Variants in FMN2 observed in about 807,000 individuals in gnomAD.
The protein encoded by FMN2 is formin-2.
Under a neutral mutation model 142.3 loss-of-function variants are expected in FMN2, and 51 were observed. The observed-to-expected ratio is 0.36, with a 90% confidence interval of 0.29 to 0.45. The LOEUF (loss-of-function observed/expected upper bound fraction) is 0.45, where lower values mean the gene tolerates loss of function less well. Among genes scored for constraint, FMN2 ranks in the 20% least tolerant of loss-of-function variants. The pLI, the probability that FMN2 is intolerant of heterozygous loss-of-function variation, is 1.00. For missense variants in FMN2, 1,936 were observed against 2,122.8 expected, an observed-to-expected ratio of 0.91 and a Z score of 1.73; for synonymous variants, 882 against 869.8, an observed-to-expected ratio of 1.01 and a Z score of -0.25.
chr1:240,363,739 T>C lies in FMN2; in HGVS notation c.4858+7831T>C, dbSNP rs189078115. Among the ~76,000 whole-genome samples the C allele has an allele frequency of 2.2e-4, 33 of 152,238 alleles. No individual in the cohort carries two copies. The East Asian group carries it at 5.8e-3, about 27-fold the overall frequency. On this transcript the variant is annotated intron_variant, in intron 14 of 17. Transcript: ENST00000319653. The stretch of plus-strand genomic sequence containing the variant: ...CACGTCCCCAACTCTGTTTCTCCCC[T>C]CCCTTTATACTAGGGGTTCAGAACT...
intron 16 of FMN2, among the ~76,000 whole-genome samples, chr1:240,461,178 G>A (rs570919679): frequency 6.6e-6 from 1 of 152,302 alleles, no homozygotes; most frequent in Admixed American, 6.5e-5. Flanking sequence ...AATGATGAAA[G>A]CGAACGCTCT....
intron 4 of FMN2, among the ~76,000 whole-genome samples, chr1:240,192,558 C>A (rs1017444895): frequency 2.6e-5 from 4 of 152,004 alleles, no homozygotes; most frequent in East Asian, 3.9e-4. Flanking sequence ...TAAAATAAGG[C>A]GGAGTAAGAA....
At chr1:240,283,531 C>T (rs1669485932) in intron 7 of FMN2, among the ~76,000 whole-genome samples, 2 of 152,164 alleles carry the variant, frequency 1.3e-5, no homozygotes, top group Admixed American at 1.3e-4. Context: ...GGAGGTTCAG[C>T]AATGACTTTT....
chr1:240,372,335 G>A (rs1672895579), intron 14 of FMN2, among the ~76,000 whole-genome samples: 1 of 152,192 alleles, frequency 6.6e-6, no homozygotes, highest in Non-Finnish European at 1.5e-5. Flanking sequence ...TAATGGAAGT[G>A]TGTTTTGAGG....
chr1:240,294,620 C>T (rs1042031860), intron 7 of FMN2, among the ~76,000 whole-genome samples: 7 of 152,136 alleles, frequency 4.6e-5, no homozygotes, highest in East Asian at 1.9e-4. Flanking sequence ...TTAGTATTTG[C>T]GGAGCAAGTG....
At chr1:240,183,667 G>C (rs1163956008) in intron 3 of FMN2, among the ~76,000 whole-genome samples, 1 of 151,868 alleles carries the variant, frequency 6.6e-6, no homozygotes, top group Non-Finnish European at 1.5e-5. Flanking sequence ...ATGAGAGGCA[G>C]AGCCTCAGTA....
At chr1:240,152,063 G>A (rs1663805565) in intron 2 of FMN2, among the ~76,000 whole-genome samples, 1 of 152,082 alleles carries the variant, frequency 6.6e-6, no homozygotes, top group African/African-American at 2.4e-5. Context: ...GAACCACCAT[G>A]CCCGGCCTCC....
chr1:240,381,736 C>T (rs1673233321), intron 14 of FMN2, among the ~76,000 whole-genome samples: 1 of 152,036 alleles, frequency 6.6e-6, no homozygotes. Flanking sequence ...GGCCAATCAT[C>T]TTAACAGCTG....
rs149629026 is a variant in FMN2 at position 240,361,758 on chromosome 1, T to C, written c.4858+5850T>C. Among the ~76,000 whole-genome samples, 26 of 152,242 alleles carry C rather than the reference T, an allele frequency of 1.7e-4. No homozygotes were observed. The East Asian group carries it at 3.9e-3, about 23-fold the overall frequency. On this transcript the variant is annotated intron_variant, in intron 14 of 17. Transcript: ENST00000319653. ...CTGAACTTGGCATAGAGATCTGAGA[T>C]TGAGGATTGGACATCATAAGCAAGG...
intron 8 of FMN2, among the ~76,000 whole-genome samples, chr1:240,319,357 A>G (rs1670892729): frequency 6.6e-6 from 1 of 152,194 alleles, no homozygotes. Flanking sequence ...GGCCAGCCCA[A>G]TATTTCTACA....
At chr1:240,346,143 T>G (rs1215011540) in intron 13 of FMN2, among the ~76,000 whole-genome samples, 1 of 152,132 alleles carries the variant, frequency 6.6e-6, no homozygotes, top group African/African-American at 2.4e-5. Context: ...TCCCCTTATC[T>G]GTGGGGAGTA....
At chr1:240,156,816 A>AGT (rs1386797604) in intron 2 of FMN2, among the ~76,000 whole-genome samples, 1 of 152,202 alleles carries the variant, frequency 6.6e-6, no homozygotes, top group East Asian at 1.9e-4. Flanking sequence ...TCACTGAGGA[A>AGT]GTGGGATATG....
intron 14 of FMN2, among the ~76,000 whole-genome samples, chr1:240,385,790 A>G (rs1002875172): frequency 1.3e-5 from 2 of 152,152 alleles, no homozygotes; most frequent in Non-Finnish European, 2.9e-5. Context: ...TTTTTAAAGT[A>G]TGTGTCATTT....
At chr1:240,334,275 A>G in intron 13 of FMN2, 46 bp downstream of exon 13, 1 of 1,532,000 alleles carries the variant, frequency 6.5e-7, no homozygotes, top group African/African-American at 1.4e-5. Context: ...TGCTTTTTTA[A>G]TGAGAGAAGG....
intron 2 of FMN2, among the ~76,000 whole-genome samples, chr1:240,135,379 C>T (rs1340359645): frequency 1.3e-5 from 2 of 151,978 alleles, no homozygotes. Context: ...TTTTCCAATC[C>T]AATATTACTT....
In FMN2 at chr1:240,330,645, G is replaced by T. The variant is rs374743076; in HGVS notation, c.4480G>T (p.Val1494Phe). Residue 1494 changes from valine (V) to phenylalanine (F), a missense_variant, in exon 11 of 18, where the codon GTT becomes TTT. By Grantham distance (50) the Val-to-Phe change is conservative. This residue lies in a region of FMN2 where 322 missense variants were observed against 401.6 expected (regional missense o/e 0.80). Transcript: ENST00000319653. The stretch of plus-strand genomic sequence containing the variant: ...AGGGGTTATGCAGGTTCTAGGTTTG[G>T]TTCTTGCCTTTGGCAACTACATGAA... ...GPGVMQVLGL[V>F]LAFGNYMNGG... 1 of 1,613,982 alleles carries T rather than the reference G, an allele frequency of 6.2e-7. No individual in the cohort carries two copies.
chr1:240,431,423 T>TATATATATATATATATAC (rs1491221486), intron 15 of FMN2, among the ~76,000 whole-genome samples: 15 of 130,938 alleles, frequency 1.1e-4, no homozygotes, highest in African/African-American at 3.3e-4. Flanking sequence ...TATATATATA[T>TATATATATATATATATAC]ACATATATAT....
At chr1:240,274,447 C>T (rs1026417) in intron 7 of FMN2, among the ~76,000 whole-genome samples, 97 of 152,176 alleles carry the variant, frequency 6.4e-4, no homozygotes, top group African/African-American at 2.0e-3. Flanking sequence ...GAGCACTCAG[C>T]GGGGAGAGAA....
chr1:240,157,397 T>G (rs1664068274), intron 2 of FMN2, among the ~76,000 whole-genome samples: 1 of 152,240 alleles, frequency 6.6e-6, no homozygotes, highest in South Asian at 2.1e-4. Context: ...CCTTGAAATA[T>G]CAGTCACTGA....
Sources: gnomAD v4.1 joint callset for allele counts (sites outside exome capture counted in the v4.1 genomes callset) on GRCh38, gnomAD v4.1.1 for gene constraint, gnomAD v4.1.1 regional missense constraint, MANE v1.5 for transcripts, NCBI Gene and HGNC (gene_info 2026-07-23, HGNC 2026-07-21) for gene names.